The following VWDE variants were observed in gnomAD, a reference collection of about 807,000 sequenced individuals.
VWDE encodes von Willebrand factor D and EGF domain-containing protein.
A neutral mutation model predicts 178.4 loss-of-function variants in VWDE; 207 were observed. That is an observed-to-expected ratio of 1.16 (90% CI 1.04 to 1.30). The LOEUF is 1.30. Ranked by LOEUF, VWDE falls within the 50% of genes most tolerant of loss-of-function variation. The pLI is 0.00. For missense variants in VWDE, 2,287 were observed against 1,901.3 expected, an observed-to-expected ratio of 1.20 and a Z score of -3.77; for synonymous variants, 738 against 651.4, an observed-to-expected ratio of 1.13 and a Z score of -2.02.
intron 3 of VWDE, among the ~76,000 whole-genome samples, chr7:12,386,320 C>T (rs938538362): frequency 1.3e-5 from 2 of 152,200 alleles, no homozygotes; most frequent in African/African-American, 4.8e-5. Context: ...ACTAGCTATA[C>T]TAAACTGAGC....
intron 2 of VWDE, among the ~76,000 whole-genome samples, 182 bp downstream of exon 2, chr7:12,393,412 A>G (rs1171965747): frequency 6.6e-6 from 1 of 152,244 alleles, no homozygotes; most frequent in Non-Finnish European, 1.5e-5. Flanking sequence ...TGCATGGAGC[A>G]TAACACTAAC....
chr7:12,391,983 C>T (rs1346214885), intron 2 of VWDE, among the ~76,000 whole-genome samples: 3 of 152,086 alleles, frequency 2.0e-5, no homozygotes, highest in African/African-American at 7.2e-5. Flanking sequence ...ATGATGAACA[C>T]GTTAGTAATT....
Position 12,368,632 on chromosome 7 carries a change from AT to A in VWDE, c.2761+912del, listed in dbSNP as rs565344128. On this transcript the variant is annotated intron_variant, in intron 12 of 28. Coordinates refer to ENST00000275358, the MANE Select transcript of VWDE (RefSeq NM_001135924.3). The stretch of plus-strand genomic sequence containing the variant: ...TAGGGTCTTCTACGCCATGGTAGGG[AT>A]TGTGGACTTTACTCTGAAGGAGATG... Among the ~76,000 whole-genome samples the A allele has an allele frequency of 6.1e-4, 93 of 152,198 alleles. 1 individual carries two copies. In the East Asian group the frequency reaches 0.016, roughly 27 times the overall value.
At chr7:12,378,607 G>A (rs1364915455) in intron 6 of VWDE, among the ~76,000 whole-genome samples, 1 of 152,134 alleles carries the variant, frequency 6.6e-6, no homozygotes, top group Non-Finnish European at 1.5e-5. Flanking sequence ...GGGTGGGGGT[G>A]CTGACTATTG....
chr7:12,361,774 A>G (rs754550855), intron 13 of VWDE, among the ~76,000 whole-genome samples: 1 of 152,040 alleles, frequency 6.6e-6, no homozygotes, highest in Non-Finnish European at 1.5e-5. Flanking sequence ...AGTTACCAAT[A>G]TTGGTCATAT....
chr7:12,398,315 T>C lies in VWDE; in HGVS notation c.59-4537A>G, dbSNP rs116320360. 3.3e-3 allele frequency among the ~76,000 whole-genome samples: 507 copies of C among 152,300 alleles called. 3 individuals are homozygous for C. The highest frequency in any genetic ancestry group is 0.011 in the African/African-American group (475 of 41,566). On this transcript the variant is annotated intron_variant, in intron 1 of 28. Transcript: ENST00000275358. ...TCAGAAAGTTTACAACTGTCTTATC[T>C]GAGTTCCTTTCTCAGGAAACCATCA...
chr7:12,367,370 A>G lies in VWDE; in HGVS notation c.2885T>C (p.Val962Ala), dbSNP rs1782918219. 1.3e-6 allele frequency: 2 copies of G among 1,544,012 alleles called. No homozygotes were observed. The change falls in exon 13 of 29, where the codon GTT becomes GCT. Residue 962 changes from valine (V) to alanine (A), a missense_variant. Val to Ala is a moderately conservative substitution (Grantham distance 64, BLOSUM62 0). Coordinates refer to ENST00000275358, the MANE Select transcript of VWDE (RefSeq NM_001135924.3). ...FKELPSIKCE[V>A]TKLQYNSSEW... ...TAATTAACATACCTGTAGCTTAGTA[A>G]CTTCACATTTAATTGAAGGTAATTC...
intron 12 of VWDE, among the ~76,000 whole-genome samples, chr7:12,368,391 T>C (rs1422658311): frequency 6.6e-6 from 1 of 152,042 alleles, no homozygotes; most frequent in Admixed American, 6.6e-5. Flanking sequence ...GATTTTCTGA[T>C]AGTATGACAT....
rs573576488 is a variant in VWDE, at chr7:12,359,692, C to T, written c.3160G>A (p.Glu1054Lys). 3 of 1,526,154 alleles carry T rather than the reference C, an allele frequency of 2.0e-6. No homozygotes were observed. Among genetic ancestry groups the T allele is most frequent in the Non-Finnish European group, 2.6e-6 (3 of 1,134,368 alleles). The allele number at this position is 1,526,154 out of a possible 1,614,324, so 94.5% of individuals were successfully genotyped here. A position where few individuals can be genotyped will look rare whatever the true frequency, so the allele number is the denominator to read the frequency against. Residue 1054 changes from glutamate (E) to lysine (K), a missense_variant and splice_region_variant, in exon 16 of 29, where the codon GAA becomes AAA. Transcript: ENST00000275358. ...LYKNDSCTIK[E>K]NVCIIDGLCY... ...AGTCCATCAATAATGCAAACATTTT[C>T]CTAATGGAAAATTTTTAAAAAAGAA... is the stretch of plus-strand genomic sequence containing the variant.
chr7:12,373,348 G>T, intron 9 of VWDE, 101 bp from the exon 10 acceptor site: 1 of 1,245,402 alleles, frequency 8.0e-7, no homozygotes, highest in Non-Finnish European at 1.1e-6. Flanking sequence ...TCATTTTGTT[G>T]TATGCACTGA....
chr7:12,388,790 A>G (rs1784227989), intron 3 of VWDE: 1 of 389,282 alleles, frequency 2.6e-6, no homozygotes, highest in Non-Finnish European at 5.1e-6. Context: ...GTATATTTTT[A>G]TGATAACTTT....
intron 9 of VWDE, 64 bp from the exon 10 acceptor site, chr7:12,373,311 G>A: frequency 6.8e-7 from 1 of 1,472,258 alleles, no homozygotes. Flanking sequence ...GTATGTTATT[G>A]ATTTGCAACA....
At chr7:12,385,762 A>G (rs185199613) in intron 3 of VWDE, among the ~76,000 whole-genome samples, 1 of 152,184 alleles carries the variant, frequency 6.6e-6, no homozygotes, top group African/African-American at 2.4e-5. Context: ...CAAGCCAGAG[A>G]GAATAATTCA....
In VWDE at chr7:12,389,043, AACT is replaced by A. The variant is rs1372869051; in HGVS notation, c.475+81_475+83del. On this transcript the variant is annotated intron_variant, in intron 3 of 28. Coordinates refer to ENST00000275358, the MANE Select transcript of VWDE (RefSeq NM_001135924.3). ...TGAGTATCTTACTGAGATTTGCACT[AACT>A]CAATACAACCTATCCAGAGAATGGT... The A allele has an allele frequency of 9.7e-5, 93 of 958,804 alleles. 2 individuals are homozygous for A. The South Asian group carries it at 1.1e-3, about 11-fold the overall frequency. 59.4% of individuals were successfully genotyped at this position (958,804 alleles called of 1,614,324 possible). A position where few individuals can be genotyped will look rare whatever the true frequency, so the allele number is the denominator to read the frequency against.
chr7:12,358,378 A>AG (rs1782384801), intron 16 of VWDE, among the ~76,000 whole-genome samples: 1 of 150,086 alleles, frequency 6.7e-6, no homozygotes, highest in African/African-American at 2.5e-5. Context: ...TGTCTCAAAA[A>AG]ATAAAAGGTG....
chr7:12,336,201 A>G lies in VWDE; in HGVS notation c.4594T>C (p.Cys1532Arg). The G allele has an allele frequency of 1.3e-6, 2 of 1,551,466 alleles. No homozygotes were observed. The highest frequency in any genetic ancestry group is 1.7e-6 in the Non-Finnish European group (2 of 1,146,910). The change falls in exon 27 of 29, where the codon TGC (cysteine) becomes CGC (arginine). Residue 1532 changes from cysteine to arginine, a missense_variant. Cys to Arg is a radical substitution (Grantham distance 180). Transcript: ENST00000275358. ...CAATGGCATATGCTGGGCGCAATGCATTCACCACCGTTTTTACATTTCTGC... is the reference window on the plus strand; with the variant it reads ...CAATGGCATATGCTGGGCGCAATGCGTTCACCACCGTTTTTACATTTCTGC... ...CLQKCKNGGE[C>R]IAPSICHCPS...
chr7:12,350,989 AT>A (rs1041573815), intron 19 of VWDE, among the ~76,000 whole-genome samples: 2 of 152,288 alleles, frequency 1.3e-5, no homozygotes, highest in Admixed American at 1.3e-4. Context: ...ACATCAGAGT[AT>A]TCAGTAAGGT....
chr7:12,352,220 C>T (rs7804210), intron 18 of VWDE, among the ~76,000 whole-genome samples: 18,409 of 152,176 alleles, frequency 0.12, 1,219 homozygotes, highest in East Asian at 0.19. Flanking sequence ...ACGTACCTTC[C>T]TTCAGTTGAA....
At chr7:12,395,303 A>G (rs534601966) in intron 1 of VWDE, among the ~76,000 whole-genome samples, 2 of 152,284 alleles carry the variant, frequency 1.3e-5, no homozygotes, top group South Asian at 2.1e-4. Flanking sequence ...CCTGGTTAGA[A>G]TCTTTTAAAA....
Sources: allele counts gnomAD v4.1 joint callset (sites outside exome capture counted in the v4.1 genomes callset), GRCh38; gene constraint gnomAD v4.1.1; transcripts MANE v1.5; gene names NCBI Gene and HGNC (gene_info 2026-07-23, HGNC 2026-07-21).